The following MPO variants were observed in gnomAD, a reference collection of about 807,000 sequenced individuals.
The protein encoded by MPO is myeloperoxidase.
Under a neutral mutation model 69.4 loss-of-function variants are expected in MPO, and 57 were observed. The observed-to-expected ratio is 0.82, with a 90% CI of 0.66 to 1.02. The LOEUF (loss-of-function observed/expected upper bound fraction) is 1.02, where lower values mean the gene tolerates loss of function less well. MPO is among the 50% of genes least tolerant of loss of function. MPO has a pLI of 0.00. For synonymous variants in MPO, 426 were observed against 417.1 expected (o/e 1.02, Z -0.26); for missense variants, 971 against 1,014.1 (o/e 0.96, Z 0.58).
chr17:58,271,553 C>T (rs1970364309), intron 11 of MPO, 102 bp downstream of exon 11: 1 of 1,152,776 alleles, frequency 8.7e-7, no homozygotes, highest in Non-Finnish European at 1.3e-6. Context: ...AAATTACTGA[C>T]TCCCTCCAGT....
In MPO at chr17:58,270,638, C is replaced by T. The variant is rs1463420530; in HGVS notation, c.*18G>A. On this transcript the variant is annotated 3_prime_UTR_variant, in exon 12 of 12. Transcript: ENST00000225275. The surrounding 1 kb of genome is among the most constrained non-coding windows in gnomAD (Gnocchi z 4.1). ...AGCCCAGATATACCCCTCACTGCTG[C>T]ACCCCCTTACCTGGCCTCTAGGAGG... The T allele has an allele frequency of 4.4e-6, 7 of 1,591,868 alleles. No homozygotes were observed. The highest frequency in any genetic ancestry group is 6.0e-6 in the Non-Finnish European group (7 of 1,167,542).
Position 58,270,878 on chromosome 17 carries a change from C to A in MPO, c.2031-15G>T, listed in dbSNP as rs1267204456. 2 of 1,612,498 alleles carry A rather than the reference C, an allele frequency of 1.2e-6. No homozygotes were observed. The highest frequency in any genetic ancestry group is 1.7e-5 in the Admixed American group (1 of 60,020). On this transcript the variant is annotated splice_polypyrimidine_tract_variant and intron_variant, in intron 11 of 11. Transcript: ENST00000225275. This position sits in a 1 kb window ranked among gnomAD's most constrained non-coding sequence, Gnocchi z 4.1. Reference sequence around the variant, plus strand: ...CCCACCAAAACCTGCATGGGGAACACCCATGGACACTGTGCCCAAGGATAT... The same window carrying A: ...CCCACCAAAACCTGCATGGGGAACAACCATGGACACTGTGCCCAAGGATAT...
Position 58,279,189 on chromosome 17 carries a change from A to ACGAT in MPO, c.700_703dup (p.Val235AspfsTer7), listed in dbSNP as rs755583875. The stretch of plus-strand genomic sequence containing the variant: ...AGTCAGCTGATCAGTGGGGAAGCGC[A>ACGAT]CGATCTCGTTGGAGACCGCGCGAGC... On this transcript the variant is annotated frameshift_variant, in exon 6 of 12. Transcript: ENST00000225275. LOFTEE classifies it high-confidence loss of function. 9.3e-6 allele frequency: 15 copies of ACGAT among 1,608,894 alleles called. No individual in the cohort carries two copies. The highest frequency in any genetic ancestry group is 5.1e-6 in the Non-Finnish European group (6 of 1,177,882).
chr17:58,271,903 G>T lies in MPO; in HGVS notation c.1793-11C>A. On this transcript the variant is annotated splice_polypyrimidine_tract_variant and intron_variant, in intron 10 of 11. Transcript: ENST00000225275. ...TCCAGGCATTGTATCCTGCATGGGG[G>T]AGGGGACAGGTGGCTATGGGCAGGT... 1 of 1,613,488 alleles carries T rather than the reference G, an allele frequency of 6.2e-7. No individual in the cohort carries two copies. The highest frequency in any genetic ancestry group is 1.1e-5 in the South Asian group (1 of 91,080).
chr17:58,280,834 C>T lies in MPO; in HGVS notation c.-76G>A. The stretch of plus-strand genomic sequence containing the variant: ...AGAGGGCCCTGTCTATGGATAAAGC[C>T]AGACCTCCTTGAGGGAGGGGCTCAC... On this transcript the variant is annotated 5_prime_UTR_variant, in exon 1 of 12. Transcript: ENST00000225275. 6.4e-7 allele frequency: 1 copy of T among 1,568,294 alleles called. No homozygotes were observed. Among genetic ancestry groups the T allele is most frequent in the East Asian group, 2.3e-5 (1 of 43,446 alleles).
chr17:58,278,755 G>T, intron 6 of MPO: 3 of 590,134 alleles, frequency 5.1e-6, no homozygotes, highest in Non-Finnish European at 6.0e-6. Flanking sequence ...GTCAGCCAAG[G>T]AGGAACAACC....
Position 58,279,302 on chromosome 17 carries a change from C to A in MPO, c.673G>T (p.Ala225Ser). Residue 225 changes from alanine (A) to serine (S), a missense_variant, in exon 5 of 12, where the codon GCT becomes TCT. By Grantham distance (99) the Ala-to-Ser change is moderately conservative. Transcript: ENST00000225275. ...PGVKRNGFPV[A>S]LARAVSNEIV... ...CTCTGCCCGCCGGCGCTCACCAGAG[C>A]CACCGGGAAGCCGTTGCGCTTGACC... 1 of 1,566,218 alleles carries A rather than the reference C, an allele frequency of 6.4e-7. No individual in the cohort carries two copies. Among genetic ancestry groups the A allele is most frequent in the Non-Finnish European group, 8.7e-7 (1 of 1,155,902 alleles).
chr17:58,274,096 C>A, intron 8 of MPO: 1 of 449,182 alleles, frequency 2.2e-6, no homozygotes. Flanking sequence ...TGTTGAAATT[C>A]TTCACAGTGC....
At chr17:58,273,332 A>G (rs892670650) in intron 9 of MPO, 82 bp downstream of exon 9, 6 of 1,604,720 alleles carry the variant, frequency 3.7e-6, no homozygotes, top group African/African-American at 1.3e-5. Flanking sequence ...ACTGCTCCCC[A>G]CCCTAGCTCC....
Position 58,271,671 on chromosome 17 carries a change from G to A in MPO, c.2014C>T (p.Leu672Phe). The change falls in exon 11 of 12, where the codon CTC becomes TTC. Residue 672 changes from leucine to phenylalanine, a missense_variant. Transcript: ENST00000225275. ...ACIIGTQFRK[L>F]RDGDRFWWEN... ...CCTCCTCACCGATCACCATCCCGGAGCTTCCTGAACTGGGTACCGATGATG... is the reference window on the plus strand; with the variant it reads ...CCTCCTCACCGATCACCATCCCGGAACTTCCTGAACTGGGTACCGATGATG... 1 of 1,613,896 alleles carries A rather than the reference G, an allele frequency of 6.2e-7. No homozygotes were observed. The highest frequency in any genetic ancestry group is 8.5e-7 in the Non-Finnish European group (1 of 1,180,036).
At chr17:58,276,423 C>T (rs901751352) in intron 7 of MPO, among the ~76,000 whole-genome samples, 1 of 152,192 alleles carries the variant, frequency 6.6e-6, no homozygotes, top group African/African-American at 2.4e-5. Flanking sequence ...GCAGATCCCC[C>T]CTGGTTCCCC....
intron 8 of MPO, among the ~76,000 whole-genome samples, chr17:58,273,934 A>G (rs899416296): frequency 3.3e-5 from 5 of 152,240 alleles, no homozygotes; most frequent in African/African-American, 9.6e-5. Context: ...CCTCAAATGT[A>G]CATTAAGGAT....
At chr17:58,276,914 C>A (rs921145065) in intron 7 of MPO, among the ~76,000 whole-genome samples, 1 of 152,152 alleles carries the variant, frequency 6.6e-6, no homozygotes, top group African/African-American at 2.4e-5. Flanking sequence ...TGAGACCAGC[C>A]TGGCCAACAT....
At position 58,280,810 on chromosome 17, in the gene MPO, G is replaced by A; in HGVS notation, c.-52C>T. On this transcript the variant is annotated 5_prime_UTR_variant, in exon 1 of 12. Coordinates refer to ENST00000225275, the MANE Select transcript of MPO (RefSeq NM_000250.2). ...CCCTTTGTACCTCAGCCCCACCTCA[G>A]AGGGCCCTGTCTATGGATAAAGCCA... 1 of 1,607,182 alleles carries A rather than the reference G, an allele frequency of 6.2e-7. No homozygotes were observed.
intron 11 of MPO, among the ~76,000 whole-genome samples, chr17:58,271,149 A>G (rs185265732): frequency 1.2e-3 from 188 of 152,292 alleles, no homozygotes; most frequent in African/African-American, 4.4e-3. Context: ...ACACTCCTGA[A>G]GCCCTGTGCC....
rs1241185637 is a variant in MPO, at chr17:58,271,981, A to G, written c.1793-89T>C. The G allele has an allele frequency of 2.3e-5, 33 of 1,406,528 alleles. 1 individual carries two copies. The Middle Eastern group carries it at 1.3e-3, about 54-fold the overall frequency. 87.1% of individuals were successfully genotyped at this position (1,406,528 alleles called of 1,614,324 possible). ...TGGAGACAGCAGGGAAGATTCACAT[A>G]TCGCCAGCAGCCCAGAAAACCCACC... is the stretch of plus-strand genomic sequence containing the variant. On this transcript the variant is annotated intron_variant, in intron 10 of 11. Transcript: ENST00000225275.
Position 58,273,706 on chromosome 17 carries a change from C to G in MPO, c.1366-37G>C, listed in dbSNP as rs767700866. Reference sequence around the variant, plus strand: ...TCATTTGGAATGGCCTCTCCACCCACTCCTCCACAGCAAATGCCGCCTGGC... The same window carrying G: ...TCATTTGGAATGGCCTCTCCACCCAGTCCTCCACAGCAAATGCCGCCTGGC... On this transcript the variant is annotated intron_variant, in intron 8 of 11. Transcript: ENST00000225275. 9 of 1,614,038 alleles carry G rather than the reference C, an allele frequency of 5.6e-6. No individual in the cohort carries two copies. The South Asian group carries it at 7.7e-5, about 14-fold the overall frequency.
At chr17:58,277,279 G>A (rs34212101) in intron 7 of MPO, among the ~76,000 whole-genome samples, 9,128 of 152,258 alleles carry the variant, frequency 0.06, 395 homozygotes, top group East Asian at 0.12. Context: ...TCAACCTTCC[G>A]AGATGATGAA....
At chr17:58,277,562 G>T (rs934067414) in intron 7 of MPO, among the ~76,000 whole-genome samples, 3 of 152,232 alleles carry the variant, frequency 2.0e-5, no homozygotes, top group African/African-American at 4.8e-5. Flanking sequence ...AAGGGACAGA[G>T]AAAGCAATGG....
Sources: gnomAD v4.1 joint callset for allele counts (sites outside exome capture counted in the v4.1 genomes callset) on GRCh38, gnomAD v4.1.1 for gene constraint, Gnocchi (gnomAD v3.1) non-coding constraint, MANE v1.5 for transcripts, NCBI Gene and HGNC (gene_info 2026-07-23, HGNC 2026-07-21) for gene names.